PTCHD4: variants seen among roughly 807,000 people sequenced by gnomAD.
PTCHD4 encodes the protein patched domain containing 4.
PTCHD4 carries 33 observed loss-of-function variants against 58.1 expected under a neutral mutation model. The observed-to-expected ratio is 0.57, with a 90% CI of 0.43 to 0.76. PTCHD4 has a LOEUF of 0.76. Among genes scored for constraint, PTCHD4 ranks in the 30% least tolerant of loss-of-function variants. The pLI is 0.00. For missense variants in PTCHD4, 1,058 were observed against 1,027.1 expected, an observed-to-expected ratio of 1.03 and a Z score of -0.41; for synonymous variants, 478 against 409.6, an observed-to-expected ratio of 1.17 and a Z score of -2.02.
intron 1 of PTCHD4, among the ~76,000 whole-genome samples, chr6:48,097,270 C>A (rs142876297): frequency 1.3e-5 from 2 of 151,994 alleles, no homozygotes; most frequent in Non-Finnish European, 2.9e-5. Context: ...ATTAACAGAT[C>A]TTTTTATTGT....
At position 47,907,266 on chromosome 6, in the gene PTCHD4, A is replaced by AT. The variant is rs538885755; in HGVS notation, c.899-27331dup. On this transcript the variant is annotated intron_variant, in intron 4 of 4. Coordinates refer to ENST00000339488, the MANE Select transcript of PTCHD4 (RefSeq NM_001384253.1). The stretch of plus-strand genomic sequence containing the variant: ...TCTGCAGCCAAATGGTCTTGGTATT[A>AT]TTTTACATTAGTCCAGGGTCCCAGA... Among the ~76,000 whole-genome samples the AT allele has an allele frequency of 5.6e-4, 85 of 152,278 alleles. 2 individuals carry two copies. The South Asian group carries it at 0.017, about 30-fold the overall frequency.
intron 1 of PTCHD4, among the ~76,000 whole-genome samples, chr6:48,107,260 C>T (rs1363439420): frequency 2.6e-5 from 4 of 151,980 alleles, no homozygotes; most frequent in African/African-American, 4.8e-5. Context: ...GAGATATAGA[C>T]CAATGGAACA....
intron 4 of PTCHD4, among the ~76,000 whole-genome samples, chr6:48,004,210 GA>G (rs1768857975): frequency 6.6e-6 from 1 of 152,110 alleles, no homozygotes; most frequent in Non-Finnish European, 1.5e-5. Context: ...CAATTTAAAT[GA>G]GTCTCAGTTT....
rs934116242 is a variant in PTCHD4 at position 47,876,956 on chromosome 6, G to T, written c.*1347C>A. Among the ~76,000 whole-genome samples the T allele has an allele frequency of 1.3e-5, 2 of 152,090 alleles. No homozygotes were observed. The highest frequency in any genetic ancestry group is 4.8e-5 in the African/African-American group (2 of 41,530). On this transcript the variant is annotated 3_prime_UTR_variant, in exon 5 of 5. Transcript: ENST00000339488. ...GATCACCCTAGGAGGTGGGCCAACC[G>T]AGGAGCACTTTCCAGGTAACAAGAG...
chr6:48,074,230 A>C (rs2113887032), intron 1 of PTCHD4, among the ~76,000 whole-genome samples: 1 of 152,236 alleles, frequency 6.6e-6, no homozygotes, highest in South Asian at 2.1e-4. Context: ...TGCAGCTGTA[A>C]CTGGCTTGAA....
In PTCHD4 at chr6:48,014,526, G is replaced by T. The variant is rs193140488; in HGVS notation, c.418-5412C>A. ...AATGGTAAAAGTTCCTTAGTTCATG[G>T]CTAATTCATTAGTTCATGGCTAGTT... On this transcript the variant is annotated intron_variant, in intron 3 of 4. Transcript: ENST00000339488. Among the ~76,000 whole-genome samples, 1,309 of 152,094 alleles carry T rather than the reference G, an allele frequency of 8.6e-3. 10 individuals are homozygous for T. Among genetic ancestry groups the T allele is most frequent in the Non-Finnish European group, 0.012 (812 of 67,962 alleles).
At chr6:47,897,841 A>G (rs556291688) in intron 4 of PTCHD4, among the ~76,000 whole-genome samples, 1 of 151,946 alleles carries the variant, frequency 6.6e-6, no homozygotes. Context: ...GTGAGAGTAC[A>G]TCTCTAACTT....
intron 4 of PTCHD4, among the ~76,000 whole-genome samples, chr6:47,963,183 T>C (rs879793974): frequency 6.6e-6 from 1 of 151,852 alleles, no homozygotes; most frequent in African/African-American, 2.4e-5. Flanking sequence ...AAAATAGGAA[T>C]AAGATTAAAT....
intron 4 of PTCHD4, among the ~76,000 whole-genome samples, chr6:47,977,119 A>G (rs1030906611): frequency 3.0e-4 from 45 of 152,158 alleles, no homozygotes; most frequent in African/African-American, 1.0e-3. Context: ...ACTCTGTTTT[A>G]CCAATGAAGA....
intron 4 of PTCHD4, among the ~76,000 whole-genome samples, chr6:47,943,396 T>C (rs977056518): frequency 6.6e-6 from 1 of 152,162 alleles, no homozygotes; most frequent in Admixed American, 6.6e-5. Context: ...AGACATTAGA[T>C]GAATACCTAC....
rs936893479 is a variant in PTCHD4, at chr6:47,877,708, C to T, written c.*595G>A. Among the ~76,000 whole-genome samples, 3 of 152,024 alleles carry T rather than the reference C, an allele frequency of 2.0e-5. No homozygotes were observed. The highest frequency in any genetic ancestry group is 4.4e-5 in the Non-Finnish European group (3 of 67,978). On this transcript the variant is annotated 3_prime_UTR_variant, in exon 5 of 5. Coordinates refer to ENST00000339488, the MANE Select transcript of PTCHD4 (RefSeq NM_001384253.1). ...ACTTTCTAGGGAAAAGCCAGCCTAT[C>T]TTCAAATGGACAGCTCCCTCCACAT...
intron 4 of PTCHD4, among the ~76,000 whole-genome samples, chr6:47,961,919 G>A (rs954971098): frequency 6.6e-6 from 1 of 151,954 alleles, no homozygotes; most frequent in Non-Finnish European, 1.5e-5. Flanking sequence ...ATAATCTGGA[G>A]TAGAAATAAA....
Position 48,008,789 on chromosome 6 carries a change from G to A in PTCHD4, c.743C>T (p.Ser248Phe). ...GCGCAAGCAGTCCTTCATGGAGCTGGAGAGGGTGGCTGTGGTCAGGATCAG... is the reference window on the plus strand; with the variant it reads ...GCGCAAGCAGTCCTTCATGGAGCTGAAGAGGGTGGCTGTGGTCAGGATCAG... The part of the protein sequence containing the change: ...LVLILTTATL[S>F]SSMKDCLRSK... Residue 248 changes from serine (S) to phenylalanine (F), a missense_variant, in exon 4 of 5, where the codon TCC (serine) becomes TTC (phenylalanine). Ser to Phe is a radical substitution (Grantham distance 155). Coordinates refer to ENST00000339488, the MANE Select transcript of PTCHD4 (RefSeq NM_001384253.1). 6.2e-7 allele frequency: 1 copy of A among 1,614,006 alleles called. No individual in the cohort carries two copies. The highest frequency in any genetic ancestry group is 1.1e-5 in the South Asian group (1 of 91,082).
At position 47,860,774 on chromosome 6, in the gene PTCHD4, C is replaced by T. The variant is rs1278170297; in HGVS notation, c.*17529G>A. 1.3e-5 allele frequency among the ~76,000 whole-genome samples: 2 copies of T among 151,952 alleles called. No individual in the cohort carries two copies. The highest frequency in any genetic ancestry group is 3.2e-3 in the Middle Eastern group (1 of 316). On this transcript the variant is annotated 3_prime_UTR_variant, in exon 5 of 5. Coordinates refer to ENST00000339488, the MANE Select transcript of PTCHD4 (RefSeq NM_001384253.1). The stretch of plus-strand genomic sequence containing the variant: ...CACTAGTCTACTAGTTTATTTCACT[C>T]ATTGCTTGGGATTTATCTACTTAAG...
intron 4 of PTCHD4, among the ~76,000 whole-genome samples, chr6:47,945,295 T>C (rs115220612): frequency 8.5e-4 from 130 of 152,234 alleles, no homozygotes; most frequent in African/African-American, 2.8e-3. Flanking sequence ...GTTATTCAAT[T>C]TGAGAAGTAT....
chr6:48,023,668 T>C (rs1364064806), intron 3 of PTCHD4, among the ~76,000 whole-genome samples: 1 of 152,222 alleles, frequency 6.6e-6, no homozygotes, highest in Non-Finnish European at 1.5e-5. Context: ...AATTTTCTTC[T>C]GAATGTTCCC....
At chr6:47,972,711 T>A (rs932884820) in intron 4 of PTCHD4, among the ~76,000 whole-genome samples, 5 of 152,054 alleles carry the variant, frequency 3.3e-5, no homozygotes, top group African/African-American at 1.2e-4. Context: ...CATCTATCTT[T>A]TTGTCTGCAT....
At chr6:48,063,234 G>A (rs1283756972) in intron 3 of PTCHD4, among the ~76,000 whole-genome samples, 1 of 152,124 alleles carries the variant, frequency 6.6e-6, no homozygotes, top group African/African-American at 2.4e-5. Flanking sequence ...TGATATTAAA[G>A]ATGAAATCCT....
intron 1 of PTCHD4, among the ~76,000 whole-genome samples, chr6:48,096,910 A>T (rs536667222): frequency 3.3e-5 from 5 of 152,168 alleles, no homozygotes; most frequent in African/African-American, 1.2e-4. Context: ...GACTGTTTCA[A>T]CTGAAAATTT....
Sources: allele counts gnomAD v4.1 joint callset (sites outside exome capture counted in the v4.1 genomes callset), GRCh38; gene constraint gnomAD v4.1.1; transcripts MANE v1.5; gene names NCBI Gene and HGNC (gene_info 2026-07-23, HGNC 2026-07-21).